The following PRKN variants were observed in gnomAD, a reference collection of about 807,000 sequenced individuals.
The protein encoded by PRKN is E3 ubiquitin-protein ligase parkin.
A neutral mutation model predicts 59.5 loss-of-function variants in PRKN; 56 were observed. The ratio of observed to expected loss-of-function variants is 0.94; its 90% confidence interval spans 0.76 to 1.18. PRKN has a LOEUF of 1.18. Ranked by LOEUF, PRKN falls within the 50% of genes most tolerant of loss-of-function variation. The pLI is 0.00. For synonymous variants in PRKN, 250 were observed against 222.1 expected, an observed-to-expected ratio of 1.13 and a Z score of -1.12; for missense variants, 657 against 596.4, an observed-to-expected ratio of 1.10 and a Z score of -1.06.
At chr6:161,383,759 G>A (rs777291655) in intron 10 of PRKN, among the ~76,000 whole-genome samples, 3 of 152,248 alleles carry the variant, frequency 2.0e-5, no homozygotes, top group Non-Finnish European at 2.9e-5. Flanking sequence ...TCCCCAGCCC[G>A]CCTCTGCAGG....
chr6:162,537,189 A>AT (rs1778752970), intron 1 of PRKN, among the ~76,000 whole-genome samples: 2 of 152,208 alleles, frequency 1.3e-5, no homozygotes, highest in Admixed American at 1.3e-4. Context: ...CAAAACTATT[A>AT]AACAGCAAAA....
At chr6:161,973,461 C>G in intron 5 of PRKN, 44 bp from the exon 6 acceptor site, 1 of 1,025,018 alleles carries the variant, frequency 9.8e-7, no homozygotes, top group Non-Finnish European at 1.5e-6. Flanking sequence ...ATCCCGGCTG[C>G]TCATTTTTCC....
At chr6:162,467,385 T>G (rs910736263) in intron 1 of PRKN, among the ~76,000 whole-genome samples, 4 of 152,068 alleles carry the variant, frequency 2.6e-5, no homozygotes, top group African/African-American at 7.2e-5. Context: ...CTCTCCTAAA[T>G]TACTTAACAT....
intron 4 of PRKN, among the ~76,000 whole-genome samples, chr6:162,070,357 T>C (rs1468987506): frequency 2.6e-5 from 4 of 152,158 alleles, no homozygotes; most frequent in African/African-American, 7.2e-5. Flanking sequence ...TTGGAAAATA[T>C]AGTCATATTT....
chr6:162,315,270 A>C (rs970133729), intron 2 of PRKN, among the ~76,000 whole-genome samples: 1 of 152,174 alleles, frequency 6.6e-6, no homozygotes, highest in Admixed American at 6.5e-5. Context: ...CAATTTTTCA[A>C]TATAAGCAAC....
chr6:161,635,340 A>G (rs1783472816), intron 7 of PRKN, among the ~76,000 whole-genome samples: 2 of 152,240 alleles, frequency 1.3e-5, no homozygotes, highest in East Asian at 3.8e-4. Context: ...AAGAACAGGT[A>G]GACTCCTGTT....
At chr6:161,967,126 G>A (rs3016568) in intron 6 of PRKN, among the ~76,000 whole-genome samples, 73,457 of 152,082 alleles carry the variant, frequency 0.48, 17,892 homozygotes, top group Middle Eastern at 0.59. Context: ...CACTGCGCCC[G>A]GCCTAAGAAA....
At chr6:162,653,020 C>A (rs1323350739) in intron 1 of PRKN, among the ~76,000 whole-genome samples, 6 of 152,114 alleles carry the variant, frequency 3.9e-5, no homozygotes, top group African/African-American at 9.7e-5. Flanking sequence ...TAATTCAAAA[C>A]CAAAACCAAA....
At chr6:161,857,676 T>C (rs1233485701) in intron 6 of PRKN, among the ~76,000 whole-genome samples, 2 of 152,354 alleles carry the variant, frequency 1.3e-5, no homozygotes, top group East Asian at 1.9e-4. Flanking sequence ...AAAGCAGTTC[T>C]GGCCAACTCA....
chr6:161,805,021 T>C (rs1583186470), intron 6 of PRKN, among the ~76,000 whole-genome samples: 1 of 152,230 alleles, frequency 6.6e-6, no homozygotes, highest in Non-Finnish European at 1.5e-5. Flanking sequence ...AGTTTCAACA[T>C]ACAAGTCATG....
chr6:162,277,345 CA>C (rs1780678144), intron 2 of PRKN, among the ~76,000 whole-genome samples: 1 of 152,138 alleles, frequency 6.6e-6, no homozygotes, highest in African/African-American at 2.4e-5. Context: ...TTAACGACAA[CA>C]AAGTTTAACC....
At chr6:162,159,795 G>A (rs930733296) in intron 4 of PRKN, among the ~76,000 whole-genome samples, 1 of 152,174 alleles carries the variant, frequency 6.6e-6, no homozygotes, top group Admixed American at 6.5e-5. Flanking sequence ...TGCAGAAACA[G>A]ACAAATACTA....
intron 6 of PRKN, among the ~76,000 whole-genome samples, chr6:161,805,540 C>A (rs1791281550): frequency 6.6e-6 from 1 of 151,950 alleles, no homozygotes. Context: ...CTTCTGATGA[C>A]CAGATCCTGT....
chr6:162,528,850 G>A (rs1409903616), intron 1 of PRKN, among the ~76,000 whole-genome samples: 1 of 151,926 alleles, frequency 6.6e-6, no homozygotes, highest in Non-Finnish European at 1.5e-5. Context: ...GAGAGTAACA[G>A]CACCATACTC....
rs75827152 is a variant in PRKN at position 162,272,704 on chromosome 6, T to A, written c.172-9939A>T. 8.3e-3 allele frequency among the ~76,000 whole-genome samples: 1,261 copies of A among 152,112 alleles called. 8 individuals are homozygous for A. Among genetic ancestry groups the A allele is most frequent in the Middle Eastern group, 0.034 (10 of 294 alleles). On this transcript the variant is annotated intron_variant, in intron 2 of 11. Coordinates refer to ENST00000366898, the MANE Select transcript of PRKN (RefSeq NM_004562.3). ...GTGTTTACTGTGGGATTATTTATAA[T>A]AGAAAATTATGGGCTGGGTGCGGTG...
At chr6:161,705,344 G>C (rs1004288497) in intron 7 of PRKN, among the ~76,000 whole-genome samples, 6 of 152,262 alleles carry the variant, frequency 3.9e-5, no homozygotes, top group African/African-American at 1.4e-4. Flanking sequence ...CATGAAACAA[G>C]TTTTATAATA....
At chr6:161,859,590 G>C (rs1793804602) in intron 6 of PRKN, among the ~76,000 whole-genome samples, 1 of 133,420 alleles carries the variant, frequency 7.5e-6, no homozygotes, top group Admixed American at 8.3e-5. Context: ...CAGCCTGGGT[G>C]ACAGAGTGAG....
intron 1 of PRKN, among the ~76,000 whole-genome samples, chr6:162,480,221 G>A (rs193118946): frequency 2.3e-4 from 35 of 152,196 alleles, no homozygotes; most frequent in African/African-American, 7.7e-4. Context: ...GGGTCACCAC[G>A]CACACGAGGA....
At chr6:161,721,871 C>T (rs761747487) in intron 7 of PRKN, among the ~76,000 whole-genome samples, 2 of 152,188 alleles carry the variant, frequency 1.3e-5, no homozygotes, top group Non-Finnish European at 2.9e-5. Context: ...TCAGTTTTTA[C>T]AGATTAAGTG....
Sources: gnomAD v4.1 joint callset for allele counts (sites outside exome capture counted in the v4.1 genomes callset) on GRCh38, gnomAD v4.1.1 for gene constraint, MANE v1.5 for transcripts, NCBI Gene and HGNC (gene_info 2026-07-23, HGNC 2026-07-21) for gene names.